Variants in LRRC69 observed in about 807,000 individuals in gnomAD.
LRRC69 encodes leucine rich repeat containing 69.
Under a neutral mutation model 37.8 loss-of-function variants are expected in LRRC69, and 42 were observed. The ratio of observed to expected loss-of-function variants is 1.11; its 90% CI spans 0.87 to 1.44. The LOEUF (loss-of-function observed/expected upper bound fraction) is 1.44, where lower values mean the gene tolerates loss of function less well. Among genes scored for constraint, LRRC69 ranks in the 40% most tolerant of loss-of-function variants. LRRC69 has a pLI of 0.00. For synonymous variants in LRRC69, 141 were observed against 143.1 expected (o/e 0.99, Z 0.11); for missense variants, 357 against 401.9 (o/e 0.89, Z 0.96).
intron 2 of LRRC69, among the ~76,000 whole-genome samples, chr8:91,126,163 T>C (rs1374273814): frequency 6.6e-6 from 1 of 152,058 alleles, no homozygotes; most frequent in African/African-American, 2.4e-5. Context: ...TAGAATAACC[T>C]TGTTGCATTA....
At chr8:91,137,125 C>T (rs1162711954) in intron 5 of LRRC69, among the ~76,000 whole-genome samples, 1 of 151,944 alleles carries the variant, frequency 6.6e-6, no homozygotes, top group Non-Finnish European at 1.5e-5. Context: ...TAAGGAATCA[C>T]CACAGTGTTT....
At chr8:91,148,653 A>G (rs1055093982) in intron 5 of LRRC69, among the ~76,000 whole-genome samples, 5 of 151,936 alleles carry the variant, frequency 3.3e-5, no homozygotes, top group African/African-American at 7.2e-5. Context: ...CTGACGAATC[A>G]CCACACTGAC....
At chr8:91,205,771 A>T (rs927851615) in intron 7 of LRRC69, among the ~76,000 whole-genome samples, 1 of 152,148 alleles carries the variant, frequency 6.6e-6, no homozygotes, top group South Asian at 2.1e-4. Flanking sequence ...CAAAAAAATA[A>T]AAGTGGAAGA....
intron 5 of LRRC69, among the ~76,000 whole-genome samples, chr8:91,142,620 A>T (rs1808549366): frequency 6.6e-6 from 1 of 151,972 alleles, no homozygotes. Flanking sequence ...AGGATTTCTG[A>T]GTCAGTAGGC....
At chr8:91,188,294 TA>T (rs1809436827) in intron 5 of LRRC69, among the ~76,000 whole-genome samples, 1 of 152,244 alleles carries the variant, frequency 6.6e-6, no homozygotes, top group Non-Finnish European at 1.5e-5. Context: ...CAATTATTTT[TA>T]ATTCATTGCA....
rs562305621 is a variant in LRRC69, at chr8:91,185,167, C to T, written c.652-4355C>T. On this transcript the variant is annotated intron_variant, in intron 5 of 7. Coordinates refer to ENST00000448384, the Ensembl canonical transcript of LRRC69. Reference sequence around the variant, plus strand: ...GGACTGTGCGGTGACACAAATAAGCCCTCCCAGATCAGTTATTTCTATGCT... The same window carrying T: ...GGACTGTGCGGTGACACAAATAAGCTCTCCCAGATCAGTTATTTCTATGCT... 6.6e-5 allele frequency among the ~76,000 whole-genome samples: 10 copies of T among 152,118 alleles called. No individual in the cohort carries two copies. The East Asian group carries it at 1.9e-3, about 29-fold the overall frequency.
chr8:91,187,276 A>T (rs1809422056), intron 5 of LRRC69, among the ~76,000 whole-genome samples: 1 of 152,176 alleles, frequency 6.6e-6, no homozygotes, highest in Non-Finnish European at 1.5e-5. Context: ...TGACTCAATG[A>T]CATGAAGTCA....
intron 7 of LRRC69, 145 bp downstream of exon 7, chr8:91,200,937 A>C: frequency 1.5e-6 from 1 of 658,328 alleles, no homozygotes; most frequent in Non-Finnish European, 2.3e-6. Context: ...ACAAATTTGG[A>C]TAAGTGTCGG....
At chr8:91,192,150 C>A (rs1295640095) in intron 6 of LRRC69, among the ~76,000 whole-genome samples, 1 of 152,026 alleles carries the variant, frequency 6.6e-6, no homozygotes, top group Non-Finnish European at 1.5e-5. Flanking sequence ...CCAATTTCAT[C>A]CATGTCCCTA....
At chr8:91,112,571 T>C (rs1401275866) in intron 1 of LRRC69, among the ~76,000 whole-genome samples, 1 of 152,014 alleles carries the variant, frequency 6.6e-6, no homozygotes, top group African/African-American at 2.4e-5. Flanking sequence ...AAAATAGGTA[T>C]AGAAGCAATT....
chr8:91,122,624 T>C (rs181611798), intron 1 of LRRC69, among the ~76,000 whole-genome samples: 4 of 152,192 alleles, frequency 2.6e-5, no homozygotes, highest in African/African-American at 4.8e-5. Context: ...ACTTGTTAGC[T>C]TGTAAACTGG....
intron 5 of LRRC69, chr8:91,158,777 G>GA: frequency 1.3e-6 from 1 of 781,370 alleles, no homozygotes; most frequent in Non-Finnish European, 2.3e-6. Context: ...GTGATAAGTG[G>GA]AAAAAAGAGA....
chr8:91,195,007 T>A (rs1382128893), intron 6 of LRRC69, among the ~76,000 whole-genome samples: 2 of 152,258 alleles, frequency 1.3e-5, no homozygotes, highest in African/African-American at 2.4e-5. Flanking sequence ...CTCTACACAG[T>A]GCTTTGCATG....
chr8:91,125,822 ATTTG>A (rs988304597), intron 2 of LRRC69, among the ~76,000 whole-genome samples: 9 of 151,888 alleles, frequency 5.9e-5, no homozygotes, highest in Admixed American at 2.0e-4. Context: ...TGTATATAAA[ATTTG>A]TTTGGAGTGC....
intron 2 of LRRC69, 65 bp from the exon 3 acceptor site, chr8:91,127,023 A>G: frequency 8.0e-7 from 1 of 1,246,138 alleles, no homozygotes; most frequent in Non-Finnish European, 1.1e-6. Context: ...GTATGTAGAA[A>G]AGTAGAAAAG....
At chr8:91,184,401 C>T (rs1270353061) in intron 5 of LRRC69, among the ~76,000 whole-genome samples, 1 of 151,996 alleles carries the variant, frequency 6.6e-6, no homozygotes, top group Non-Finnish European at 1.5e-5. Context: ...GTAAGAATAA[C>T]TTTCAGCCTT....
chr8:91,157,511 A>G, intron 5 of LRRC69: 2 of 1,556,986 alleles, frequency 1.3e-6, no homozygotes, highest in South Asian at 1.1e-5. Flanking sequence ...GTAGACAAGG[A>G]GTTCTATTTG....
intron 7 of LRRC69, among the ~76,000 whole-genome samples, chr8:91,210,460 C>G (rs556105909): frequency 1.1e-4 from 16 of 152,046 alleles, no homozygotes; most frequent in Admixed American, 2.0e-4. Context: ...TGAGGCTTTC[C>G]TTCTGTTGAC....
intron 1 of LRRC69, among the ~76,000 whole-genome samples, chr8:91,114,386 T>C (rs2130485728): frequency 6.6e-6 from 1 of 152,016 alleles, no homozygotes; most frequent in Middle Eastern, 3.4e-3. Flanking sequence ...ATAGCCAAGA[T>C]ATGGGAACAA....
Sources: gnomAD v4.1 joint callset for allele counts (sites outside exome capture counted in the v4.1 genomes callset) on GRCh38, gnomAD v4.1.1 for gene constraint, MANE v1.5 for transcripts, NCBI Gene and HGNC (gene_info 2026-07-23, HGNC 2026-07-21) for gene names.